The following ANO2 variants were observed in gnomAD, a reference collection of about 807,000 sequenced individuals.
ANO2 encodes anoctamin-2.
In ANO2, 101 loss-of-function variants were observed where a neutral mutation model predicts 124.2. The observed-to-expected ratio is 0.81, with a 90% CI of 0.69 to 0.96. ANO2 has a LOEUF of 0.96. Among genes scored for constraint, ANO2 ranks in the 40% least tolerant of loss-of-function variants. The probability of loss-of-function intolerance (pLI) is 0.00; values close to 1 mark genes in which losing one functional copy is unlikely to be tolerated. For synonymous variants in ANO2, 486 were observed against 482.5 expected, an observed-to-expected ratio of 1.01 and a Z score of -0.09; for missense variants, 1,293 against 1,274.5, an observed-to-expected ratio of 1.01 and a Z score of -0.22.
At chr12:5,821,479 C>T (rs1215225233) in intron 7 of ANO2, among the ~76,000 whole-genome samples, 1 of 152,226 alleles carries the variant, frequency 6.6e-6, no homozygotes, top group Non-Finnish European at 1.5e-5. Context: ...CAGGTCCAGG[C>T]TGCTGTGCAA....
At chr12:5,622,998 A>T (rs1203882766) in intron 16 of ANO2, among the ~76,000 whole-genome samples, 1 of 150,678 alleles carries the variant, frequency 6.6e-6, no homozygotes, top group Non-Finnish European at 1.5e-5. Context: ...AAAGAAAGGA[A>T]GGAAAGAAAT....
At chr12:5,614,525 C>T (rs916257342) in intron 17 of ANO2, among the ~76,000 whole-genome samples, 1 of 152,142 alleles carries the variant, frequency 6.6e-6, no homozygotes, top group African/African-American at 2.4e-5. Flanking sequence ...GGTGACACAT[C>T]CTGAGGACAT....
intron 1 of ANO2, among the ~76,000 whole-genome samples, chr12:5,942,763 A>G (rs1355195264): frequency 6.6e-6 from 1 of 152,226 alleles, no homozygotes; most frequent in Non-Finnish European, 1.5e-5. Flanking sequence ...TCATCTCCTA[A>G]GAGAGGCCTT....
At chr12:5,945,986 G>T (rs1205296876), upstream of ANO2, among the ~76,000 whole-genome samples, 2 of 152,352 alleles carry the variant, frequency 1.3e-5, no homozygotes, top group East Asian at 3.9e-4. Flanking sequence ...ACAGTTCACG[G>T]ACCTGGGCAG....
intron 10 of ANO2, among the ~76,000 whole-genome samples, chr12:5,785,656 T>TACACAC (rs71445677): frequency 0.015 from 2,229 of 149,690 alleles, 49 homozygotes; most frequent in African/African-American, 0.05. Flanking sequence ...AGTCCTCTTG[T>TACACAC]ACACACACAC....
At position 5,638,272 on chromosome 12, in the gene ANO2, G is replaced by A. The variant is rs577136179; in HGVS notation, c.1621-2925C>T. On this transcript the variant is annotated intron_variant, in intron 15 of 24. Coordinates refer to ENST00000682330, the MANE Select transcript of ANO2 (RefSeq NM_001364791.2). Reference sequence around the variant, plus strand: ...TTTTTTTGAGACGGAGTCTCACTCCGTCACCCAGGTTGGAGTGCAGTGGTG... The same window carrying A: ...TTTTTTTGAGACGGAGTCTCACTCCATCACCCAGGTTGGAGTGCAGTGGTG... Among the ~76,000 whole-genome samples the A allele has an allele frequency of 1.1e-3, 143 of 135,230 alleles. 1 individual carries two copies. Among genetic ancestry groups the A allele is most frequent in the Non-Finnish European group, 2.0e-3 (127 of 64,184 alleles). 88.7% of individuals were successfully genotyped at this position (135,230 alleles called of 152,430 possible).
At chr12:5,647,658 C>A (rs367978) in intron 15 of ANO2, 69 bp downstream of exon 15, 28 of 1,181,048 alleles carry the variant, frequency 2.4e-5, no homozygotes, top group Non-Finnish European at 3.2e-5. Context: ...GAATATAATA[C>A]CCACAGTAGT....
At chr12:5,627,444 T>C (rs966052435) in intron 16 of ANO2, among the ~76,000 whole-genome samples, 3 of 152,148 alleles carry the variant, frequency 2.0e-5, no homozygotes, top group African/African-American at 4.8e-5. Context: ...ATAGGCCCCA[T>C]TCCCCTCTGC....
At chr12:5,597,994 A>G (rs1943746099) in intron 20 of ANO2, among the ~76,000 whole-genome samples, 3 of 152,328 alleles carry the variant, frequency 2.0e-5, no homozygotes, top group African/African-American at 7.2e-5. Flanking sequence ...GAGTTGTTTC[A>G]GATTACAAAG....
chr12:5,691,556 CCACT>C (rs941946048), intron 14 of ANO2, among the ~76,000 whole-genome samples: 4 of 151,824 alleles, frequency 2.6e-5, no homozygotes, highest in African/African-American at 9.7e-5. Flanking sequence ...GAAGGAAGAG[CCACT>C]CAAAGACCCT....
intron 19 of ANO2, among the ~76,000 whole-genome samples, chr12:5,603,446 CTAAA>C: frequency 1.3e-5 from 2 of 152,102 alleles, no homozygotes; most frequent in East Asian, 3.9e-4. Context: ...ACTTAATTTA[CTAAA>C]TAAATAATTT....
intron 14 of ANO2, among the ~76,000 whole-genome samples, chr12:5,648,440 A>G (rs1336626913): frequency 6.6e-6 from 1 of 152,210 alleles, no homozygotes. Flanking sequence ...CATTCAATCA[A>G]CTTGGCTGAG....
intron 14 of ANO2, among the ~76,000 whole-genome samples, chr12:5,657,890 A>G (rs1300122797): frequency 6.6e-6 from 1 of 152,184 alleles, no homozygotes; most frequent in Admixed American, 6.5e-5. Flanking sequence ...ATACACTGAG[A>G]GGAGTTATGC....
chr12:5,617,626 C>T (rs1455380999), intron 16 of ANO2, among the ~76,000 whole-genome samples: 1 of 151,554 alleles, frequency 6.6e-6, no homozygotes, highest in Non-Finnish European at 1.5e-5. Flanking sequence ...CAATTCACAG[C>T]ATACCAAACT....
At chr12:5,828,776 G>A (rs942307629) in intron 6 of ANO2, among the ~76,000 whole-genome samples, 5 of 152,210 alleles carry the variant, frequency 3.3e-5, no homozygotes, top group South Asian at 2.1e-4. Flanking sequence ...GCTGGCCAAC[G>A]AGTGACCTCC....
intron 16 of ANO2, among the ~76,000 whole-genome samples, chr12:5,624,166 GC>G (rs1472693258): frequency 6.6e-6 from 1 of 151,970 alleles, no homozygotes; most frequent in East Asian, 1.9e-4. Flanking sequence ...CTGGCTAGCA[GC>G]CTAGGCCAGG....
intron 14 of ANO2, among the ~76,000 whole-genome samples, chr12:5,693,414 T>A (rs962143528): frequency 6.6e-6 from 1 of 152,160 alleles, no homozygotes; most frequent in Non-Finnish European, 1.5e-5. Context: ...CCTGAACCTG[T>A]CTCACCATCT....
chr12:5,705,409 T>C (rs1949570701), intron 14 of ANO2, among the ~76,000 whole-genome samples: 2 of 152,240 alleles, frequency 1.3e-5, no homozygotes, highest in Non-Finnish European at 2.9e-5. Flanking sequence ...CTTCTGTCCA[T>C]GGGCTCTCAG....
intron 13 of ANO2, among the ~76,000 whole-genome samples, chr12:5,737,271 G>T: frequency 6.6e-6 from 1 of 152,348 alleles, no homozygotes; most frequent in African/African-American, 2.4e-5. Context: ...CTTAGGCCCT[G>T]GGTAAACCCA....
Sources: gnomAD v4.1 joint callset for allele counts (sites outside exome capture counted in the v4.1 genomes callset) on GRCh38, gnomAD v4.1.1 for gene constraint, MANE v1.5 for transcripts, NCBI Gene and HGNC (gene_info 2026-07-23, HGNC 2026-07-21) for gene names.